STIM1: variants seen among roughly 807,000 people sequenced by gnomAD.
The protein encoded by STIM1 is stromal interaction molecule 1.
Under a neutral mutation model 74.7 loss-of-function variants are expected in STIM1, and 25 were observed. The observed-to-expected ratio is 0.33, with a 90% confidence interval of 0.24 to 0.47. The LOEUF (loss-of-function observed/expected upper bound fraction) is 0.47. Ranked by LOEUF, STIM1 falls within the 20% of genes least tolerant of loss-of-function variation. The probability of loss-of-function intolerance (pLI) is 1.00; values close to 1 mark genes in which losing one functional copy is unlikely to be tolerated. For missense variants in STIM1, 728 were observed against 920.8 expected, an observed-to-expected ratio of 0.79 and a Z score of 2.71; for synonymous variants, 328 against 348.8, an observed-to-expected ratio of 0.94 and a Z score of 0.66.
intron 2 of STIM1, among the ~76,000 whole-genome samples, chr11:3,998,242 A>C (rs1248965639): frequency 1.3e-5 from 2 of 152,200 alleles, no homozygotes; most frequent in Non-Finnish European, 2.9e-5. Flanking sequence ...GATGCAAGTT[A>C]TACACTGAAA....
At chr11:3,955,645 A>G (rs896177628) in intron 1 of STIM1, among the ~76,000 whole-genome samples, 202 of 152,194 alleles carry the variant, frequency 1.3e-3, no homozygotes, top group African/African-American at 4.6e-3. Context: ...TTACTTATGT[A>G]CTTTACTGTA....
chr11:3,878,458 T>A (rs1272799253), intron 1 of STIM1, among the ~76,000 whole-genome samples: 1 of 152,062 alleles, frequency 6.6e-6, no homozygotes, highest in African/African-American at 2.4e-5. Flanking sequence ...ATATGAAGTT[T>A]CTTTTTTTTT....
intron 1 of STIM1, among the ~76,000 whole-genome samples, chr11:3,931,759 C>A (rs2135561780): frequency 6.6e-6 from 1 of 152,242 alleles, no homozygotes; most frequent in Admixed American, 6.5e-5. Flanking sequence ...CAAGCATTCC[C>A]TTAGAATGAC....
At chr11:4,034,795 G>A (rs536506326) in intron 3 of STIM1, among the ~76,000 whole-genome samples, 1 of 152,164 alleles carries the variant, frequency 6.6e-6, no homozygotes, top group Non-Finnish European at 1.5e-5. Context: ...TTCTTTAATA[G>A]GTATAAGGCT....
At chr11:3,968,450 C>T (rs956623316) in intron 2 of STIM1, among the ~76,000 whole-genome samples, 2 of 152,184 alleles carry the variant, frequency 1.3e-5, no homozygotes, top group Non-Finnish European at 2.9e-5. Flanking sequence ...TCCTGCCAGC[C>T]TACCTTTGAG....
intron 1 of STIM1, among the ~76,000 whole-genome samples, chr11:3,922,972 G>C (rs1015271678): frequency 6.6e-6 from 1 of 151,852 alleles, no homozygotes; most frequent in Non-Finnish European, 1.5e-5. Flanking sequence ...GGTAGCGGGC[G>C]CCTGTGGTCC....
Position 4,054,762 on chromosome 11 carries a change from T to C in STIM1, c.386-764T>C, listed in dbSNP as rs975950323. 2.0e-5 allele frequency among the ~76,000 whole-genome samples: 3 copies of C among 152,336 alleles called. No individual in the cohort carries two copies. The South Asian group carries it at 6.2e-4, about 32-fold the overall frequency. ...CACACATCAAATTTCACATCTTTTC[T>C]TTTGCACCTGTCTTCATTCTGTATT... On this transcript the variant is annotated intron_variant, in intron 3 of 12. Coordinates refer to ENST00000526596, the MANE Select transcript of STIM1 (RefSeq NM_001382567.1).
intron 1 of STIM1, among the ~76,000 whole-genome samples, chr11:3,860,711 T>C (rs1227026701): frequency 1.3e-5 from 2 of 152,144 alleles, no homozygotes; most frequent in African/African-American, 4.8e-5. Context: ...CAGAGAGGCA[T>C]TAGAGGTTTC....
intron 2 of STIM1, among the ~76,000 whole-genome samples, chr11:3,986,749 G>T (rs1565137545): frequency 6.6e-6 from 1 of 152,192 alleles, no homozygotes; most frequent in Non-Finnish European, 1.5e-5. Context: ...CTAGAGAATA[G>T]TTATTTCATC....
intron 10 of STIM1, chr11:4,083,783 C>A: frequency 2.6e-6 from 1 of 388,196 alleles, no homozygotes; most frequent in South Asian, 4.5e-5. Context: ...ACCACTCTAT[C>A]TACCTTTATA....
intron 1 of STIM1, among the ~76,000 whole-genome samples, chr11:3,909,314 G>A (rs1344112177): frequency 2.0e-5 from 3 of 152,152 alleles, no homozygotes; most frequent in African/African-American, 7.2e-5. Flanking sequence ...AAGAAGGTGA[G>A]AGAGAATAAG....
rs2093334429 is a variant in STIM1 at position 3,965,785 on chromosome 11, C to T, written c.140-1767C>T. Among the ~76,000 whole-genome samples, 3 of 152,116 alleles carry T rather than the reference C, an allele frequency of 2.0e-5. No individual in the cohort carries two copies. In the South Asian group the frequency reaches 6.2e-4, roughly 32 times the overall value. ...CTTCGGGAGGCCGAGGTGGGCGGAT[C>T]ACTTGAGGTCAGGACTTCGAGACTG... On this transcript the variant is annotated intron_variant, in intron 1 of 12. Transcript: ENST00000526596.
chr11:3,913,712 G>T (rs181296947), intron 1 of STIM1, among the ~76,000 whole-genome samples: 260 of 152,250 alleles, frequency 1.7e-3, no homozygotes, highest in South Asian at 3.9e-3. Flanking sequence ...TCACAATGTT[G>T]TACAGCCACC....
chr11:3,873,182 AAGGC>A (rs2091180283), intron 1 of STIM1, among the ~76,000 whole-genome samples: 1 of 152,014 alleles, frequency 6.6e-6, no homozygotes, highest in Non-Finnish European at 1.5e-5. Context: ...TTGGGAGGCC[AAGGC>A]GGGTGGATCA....
At chr11:3,886,021 G>C (rs1359505952) in intron 1 of STIM1, among the ~76,000 whole-genome samples, 1 of 152,244 alleles carries the variant, frequency 6.6e-6, no homozygotes, top group African/African-American at 2.4e-5. Flanking sequence ...GCATTGTCCT[G>C]CTTTGGCTCA....
rs199507032 is a variant in STIM1, at chr11:4,082,364, C to T, written c.1137+13C>T. The T allele has an allele frequency of 6.2e-6, 10 of 1,602,608 alleles. No homozygotes were observed. In the South Asian group the frequency reaches 1.0e-4, roughly 16 times the overall value. Reference sequence around the variant, plus strand: ...GGCCAAGGAGGGGGTGAGAACAGCCCTTCTATTGTCCTCTTTTCTCCTTTT... The same window carrying T: ...GGCCAAGGAGGGGGTGAGAACAGCCTTTCTATTGTCCTCTTTTCTCCTTTT... On this transcript the variant is annotated intron_variant, in intron 8 of 12. Transcript: ENST00000526596.
intron 1 of STIM1, among the ~76,000 whole-genome samples, chr11:3,956,984 A>G (rs1229230868): frequency 6.6e-6 from 1 of 152,174 alleles, no homozygotes; most frequent in Non-Finnish European, 1.5e-5. Flanking sequence ...AGTGAGCAAA[A>G]AAGCGACTGC....
chr11:3,951,101 G>A (rs1382542088), intron 1 of STIM1, among the ~76,000 whole-genome samples: 1 of 152,226 alleles, frequency 6.6e-6, no homozygotes, highest in Non-Finnish European at 1.5e-5. Flanking sequence ...GATCAGGCTT[G>A]TGCAGAGGAG....
chr11:3,870,104 CA>C (rs904529367), intron 1 of STIM1, among the ~76,000 whole-genome samples: 1 of 152,152 alleles, frequency 6.6e-6, no homozygotes, highest in African/African-American at 2.4e-5. Context: ...CTTCAGGAAC[CA>C]AATAATTCTT....
Sources: gnomAD v4.1 joint callset for allele counts (sites outside exome capture counted in the v4.1 genomes callset) on GRCh38, gnomAD v4.1.1 for gene constraint, MANE v1.5 for transcripts, NCBI Gene and HGNC (gene_info 2026-07-23, HGNC 2026-07-21) for gene names.